SASH1: variants seen among roughly 807,000 people sequenced by gnomAD.
SASH1 encodes the protein SAM and SH3 domain containing 1.
A neutral mutation model predicts 125.2 loss-of-function variants in SASH1; 44 were observed. The observed-to-expected ratio is 0.35, with a 90% CI of 0.28 to 0.45. The LOEUF (loss-of-function observed/expected upper bound fraction) is 0.45, where lower values mean the gene tolerates loss of function less well. SASH1 is among the 20% of genes least tolerant of loss of function. The pLI is 1.00. For missense variants in SASH1, 1,426 were observed against 1,614.5 expected (o/e 0.88, Z 2.00); for synonymous variants, 639 against 649.1 (o/e 0.98, Z 0.24).
rs1782829988 is a variant in SASH1, at chr6:148,550,629, T to C, written c.*2071T>C. 1 of 152,218 alleles carries C rather than the reference T, an allele frequency of 6.6e-6. No homozygotes were observed. The highest frequency in any genetic ancestry group is 1.5e-5 in the Non-Finnish European group (1 of 68,024). The allele number at this position is 152,218 out of a possible 1,614,324, so 9.4% of individuals were successfully genotyped here. A position where few individuals can be genotyped will look rare whatever the true frequency, so the allele number is the denominator to read the frequency against. ...CTGTTGAACTCTTAAAAACAGCTCA[T>C]GTTTGTTTGTCCTCTCGGGTTGTGG... is the stretch of plus-strand genomic sequence containing the variant. On this transcript the variant is annotated 3_prime_UTR_variant, in exon 20 of 20. Transcript: ENST00000367467.
intron 8 of SASH1, chr6:148,513,706 T>C (rs1349374785): frequency 2.0e-6 from 2 of 985,762 alleles, no homozygotes; most frequent in Non-Finnish European, 2.4e-6. Context: ...CTTGGAGGAA[T>C]GCAGGGTCTG....
intron 18 of SASH1, among the ~76,000 whole-genome samples, chr6:148,545,707 TTTAAGA>T (rs1782512817): frequency 6.6e-6 from 1 of 152,198 alleles, no homozygotes; most frequent in Non-Finnish European, 1.5e-5. Context: ...TCATCAGTAC[TTTAAGA>T]TAAAGATGTA....
chr6:148,278,176 T>C (rs9497989), intron 1 of SASH1, among the ~76,000 whole-genome samples: 3,747 of 152,118 alleles, frequency 0.025, 169 homozygotes, highest in African/African-American at 0.086. Context: ...AGTAGCATTA[T>C]AGGCATCCGC....
chr6:148,513,355 C>T (rs560978108), intron 8 of SASH1: 11 of 985,298 alleles, frequency 1.1e-5, no homozygotes, highest in Non-Finnish European at 1.2e-5. Flanking sequence ...TGTGCCGAGG[C>T]GGCTGCTCCC....
rs187482873 is a variant in SASH1, at chr6:148,490,026, A to C, written c.729+2311A>C. ...CCATCCTGTCTTTAAAAAAAAAAAA[A>C]AAAAAAACAAGAAAACAAGATCATG... On this transcript the variant is annotated intron_variant, in intron 8 of 19. Transcript: ENST00000367467. Among the ~76,000 whole-genome samples the C allele has an allele frequency of 5.2e-3, 750 of 145,552 alleles. 6 individuals are homozygous for C. Among genetic ancestry groups the C allele is most frequent in the Non-Finnish European group, 9.1e-3 (609 of 66,828 alleles).
the SASH1 span, among the ~76,000 whole-genome samples, chr6:148,202,734 C>T: frequency 6.6e-6 from 1 of 152,156 alleles, no homozygotes; most frequent in Non-Finnish European, 1.5e-5. Context: ...GCAGGCAGAT[C>T]ACCTGAGTCA....
At chr6:148,369,340 T>C (rs970151574) in intron 1 of SASH1, among the ~76,000 whole-genome samples, 3 of 152,222 alleles carry the variant, frequency 2.0e-5, no homozygotes, top group Non-Finnish European at 2.9e-5. Context: ...TTGAAACTGT[T>C]TCTACTCAGG....
chr6:148,321,384 C>CT lies in SASH1; in HGVS notation n.74+49008dup, dbSNP rs1320602783. ...CAGCCTGGGTAACAAGAGTGAAACT[C>CT]TGTCTTAAAAAAAAAAAAAAAAAAG... On this transcript the variant is annotated intron_variant and non_coding_transcript_variant, in intron 1 of 3. Coordinates refer to the SASH1 transcript ENST00000367469. Among the ~76,000 whole-genome samples the CT allele has an allele frequency of 8.3e-3, 790 of 94,924 alleles. 4 individuals are homozygous for CT. Among genetic ancestry groups the CT allele is most frequent in the African/African-American group, 0.029 (730 of 24,932 alleles). The allele number at this position is 94,924 out of a possible 152,430, so 62.3% of individuals were successfully genotyped here. A position where few individuals can be genotyped will look rare whatever the true frequency, so the allele number is the denominator to read the frequency against.
intron 1 of SASH1, among the ~76,000 whole-genome samples, chr6:148,289,873 T>TG: frequency 7.0e-6 from 1 of 143,416 alleles, no homozygotes; most frequent in Non-Finnish European, 1.5e-5. Flanking sequence ...TTTTTTTTTT[T>TG]TTTTTTTTTT....
chr6:148,523,260 A>G (rs542112195), intron 10 of SASH1, among the ~76,000 whole-genome samples: 1 of 152,354 alleles, frequency 6.6e-6, no homozygotes, highest in South Asian at 2.1e-4. Flanking sequence ...ATGTCTGTGA[A>G]GCCCTGAGTC....
Position 148,519,145 on chromosome 6 carries a change from G to A in SASH1, c.863-402G>A, listed in dbSNP as rs2115348757. The stretch of plus-strand genomic sequence containing the variant: ...ACACTCCAACTATAAAAAGCGACCA[G>A]AGCCAACATAAAGGAGTGCCTTTCA... On this transcript the variant is annotated intron_variant, in intron 9 of 19. Coordinates refer to ENST00000367467, the MANE Select transcript of SASH1 (RefSeq NM_015278.5). The surrounding 1 kb of genome is among the most constrained non-coding windows in gnomAD (Gnocchi z 4.8). 6.6e-6 allele frequency among the ~76,000 whole-genome samples: 1 copy of A among 152,324 alleles called. No homozygotes were observed. The highest frequency in any genetic ancestry group is 2.1e-4 in the South Asian group (1 of 4,822).
intron 1 of SASH1, among the ~76,000 whole-genome samples, chr6:148,290,735 C>T (rs1490668044): frequency 4.0e-5 from 6 of 149,084 alleles, no homozygotes; most frequent in African/African-American, 9.7e-5. Context: ...CTGCGGAAGG[C>T]GGAAGGCGGC....
At chr6:148,294,421 G>A (rs1454363924) in intron 1 of SASH1, among the ~76,000 whole-genome samples, 1 of 152,172 alleles carries the variant, frequency 6.6e-6, no homozygotes, top group Non-Finnish European at 1.5e-5. Context: ...CCTCTCAGTA[G>A]GGATGGATGG....
At chr6:148,197,732 G>A in the SASH1 span, among the ~76,000 whole-genome samples, 2 of 152,176 alleles carry the variant, frequency 1.3e-5, no homozygotes, top group Non-Finnish European at 2.9e-5. Flanking sequence ...CCCCACCTGA[G>A]TCTTATCTCT....
intron 1 of SASH1, among the ~76,000 whole-genome samples, chr6:148,333,068 A>G (rs1781040692): frequency 6.6e-6 from 1 of 152,126 alleles, no homozygotes; most frequent in Non-Finnish European, 1.5e-5. Context: ...TTAAAACTTC[A>G]CATTTCCTCA....
chr6:148,225,464 A>G, the SASH1 span, among the ~76,000 whole-genome samples: 3 of 152,218 alleles, frequency 2.0e-5, no homozygotes, highest in South Asian at 6.2e-4. Flanking sequence ...AAGTAAAGTA[A>G]CTCAGGAATG....
chr6:148,461,312 A>G (rs1053421789), intron 4 of SASH1, among the ~76,000 whole-genome samples: 6 of 152,246 alleles, frequency 3.9e-5, no homozygotes, highest in African/African-American at 1.4e-4. Context: ...ACCCTGTAAC[A>G]AAAAGCCAGC....
chr6:148,236,033 T>A, the SASH1 span, among the ~76,000 whole-genome samples: 4 of 152,158 alleles, frequency 2.6e-5, no homozygotes, highest in Admixed American at 1.3e-4. Context: ...CAGAAAATAA[T>A]GGTCTAATAC....
chr6:148,387,066 GCTT>G (rs1167243994), intron 1 of SASH1, among the ~76,000 whole-genome samples: 14 of 133,332 alleles, frequency 1.1e-4, no homozygotes, highest in South Asian at 7.3e-4. Flanking sequence ...TTTCTTTCTT[GCTT>G]TCTCCCTCTG....
Sources: gnomAD v4.1 joint callset for allele counts (sites outside exome capture counted in the v4.1 genomes callset) on GRCh38, gnomAD v4.1.1 for gene constraint, Gnocchi (gnomAD v3.1) non-coding constraint, MANE v1.5 for transcripts, NCBI Gene and HGNC (gene_info 2026-07-23, HGNC 2026-07-21) for gene names.